ERC1: variants seen among roughly 807,000 people sequenced by gnomAD.
ERC1 encodes RAB6 interacting protein 2.
ERC1 carries 56 observed loss-of-function variants against 132.0 expected under a neutral mutation model. The ratio of observed to expected loss-of-function variants is 0.42; its 90% CI spans 0.34 to 0.53. The LOEUF is 0.53. ERC1 is among the 20% of genes least tolerant of loss of function. The pLI is 0.03. For synonymous variants in ERC1, 478 were observed against 476.1 expected (o/e 1.00, Z -0.05); for missense variants, 1,202 against 1,349.9 (o/e 0.89, Z 1.72).
intron 8 of ERC1, among the ~76,000 whole-genome samples, chr12:1,176,582 C>CT (rs1320879941): frequency 2.6e-4 from 39 of 148,766 alleles, no homozygotes; most frequent in East Asian, 2.0e-4. Flanking sequence ...TTTTTCTTTT[C>CT]TTTTTTTTTC....
rs377484025 is a variant in ERC1, at chr12:1,393,856, C to T, written c.2926-14293C>T. Among the ~76,000 whole-genome samples the T allele has an allele frequency of 1.1e-3, 157 of 148,108 alleles. 1 individual carries two copies. The highest frequency in any genetic ancestry group is 1.5e-3 in the Non-Finnish European group (100 of 66,982). On this transcript the variant is annotated intron_variant, in intron 16 of 18. Coordinates refer to ENST00000360905, the MANE Select transcript of ERC1 (RefSeq NM_178040.4). The stretch of plus-strand genomic sequence containing the variant: ...CGGTGAAACCCCGTCTCTACTAAAA[C>T]GACAAAAAAATTAGCCAAGTGTGGT...
At chr12:1,048,960 C>G (rs908083243) in intron 2 of ERC1, among the ~76,000 whole-genome samples, 1 of 152,206 alleles carries the variant, frequency 6.6e-6, no homozygotes, top group Non-Finnish European at 1.5e-5. Context: ...TGCTTCGGAT[C>G]TCCCCTTGAG....
chr12:1,248,871 G>A (rs1266795007), intron 13 of ERC1, among the ~76,000 whole-genome samples: 5 of 151,960 alleles, frequency 3.3e-5, no homozygotes, highest in East Asian at 1.9e-4. Flanking sequence ...TGAGGAGAGA[G>A]GTTTTTATTT....
intron 18 of ERC1, among the ~76,000 whole-genome samples, chr12:1,463,208 G>A (rs1489190877): frequency 6.6e-6 from 1 of 152,124 alleles, no homozygotes; most frequent in East Asian, 1.9e-4. Context: ...GTGGATTAGG[G>A]GGTGTTAATG....
At chr12:1,350,616 T>C (rs1262612748) in intron 15 of ERC1, among the ~76,000 whole-genome samples, 1 of 152,220 alleles carries the variant, frequency 6.6e-6, no homozygotes, top group African/African-American at 2.4e-5. Context: ...GGAGCTCATG[T>C]CGTGTACAAG....
At chr12:1,431,102 G>A (rs1012169346) in intron 17 of ERC1, among the ~76,000 whole-genome samples, 1 of 152,168 alleles carries the variant, frequency 6.6e-6, no homozygotes, top group Non-Finnish European at 1.5e-5. Flanking sequence ...AATAAAGCCT[G>A]AAAGTTCTAT....
chr12:1,417,206 T>C (rs1374611689), intron 17 of ERC1, among the ~76,000 whole-genome samples: 1 of 152,212 alleles, frequency 6.6e-6, no homozygotes, highest in Admixed American at 6.5e-5. Flanking sequence ...TTTCTGCTTT[T>C]CACTGTTTTC....
intron 7 of ERC1, among the ~76,000 whole-genome samples, chr12:1,121,382 TTTGA>T (rs1287613362): frequency 6.6e-6 from 1 of 152,068 alleles, no homozygotes; most frequent in Non-Finnish European, 1.5e-5. Context: ...ATGACTCTTG[TTTGA>T]TTGGTAGGTT....
rs530085623 is a variant in ERC1, at chr12:1,141,542, C to T, written c.1570-78C>T. On this transcript the variant is annotated intron_variant, in intron 7 of 18. Transcript: ENST00000360905. ...TAACAAAACTCAACCTCTTTATAAC[C>T]TTTATAACATATCTATTTGAAAGGA... The T allele has an allele frequency of 7.9e-5, 98 of 1,236,362 alleles. No individual in the cohort carries two copies. The South Asian group carries it at 1.5e-3, about 19-fold the overall frequency. 76.6% of individuals were successfully genotyped at this position (1,236,362 alleles called of 1,614,324 possible).
intron 18 of ERC1, among the ~76,000 whole-genome samples, chr12:1,461,994 T>C (rs1204943060): frequency 6.6e-6 from 1 of 152,084 alleles, no homozygotes; most frequent in East Asian, 1.9e-4. Flanking sequence ...TAAAAGTCAG[T>C]AACAAAAGAT....
At chr12:1,345,385 G>A (rs529791805) in intron 15 of ERC1, among the ~76,000 whole-genome samples, 86 of 152,040 alleles carry the variant, frequency 5.7e-4, no homozygotes, top group African/African-American at 2.0e-3. Flanking sequence ...GGATTTCACC[G>A]TGTTAGCCAG....
chr12:1,466,976 AAG>A (rs1331430803), intron 18 of ERC1, among the ~76,000 whole-genome samples: 12 of 152,254 alleles, frequency 7.9e-5, no homozygotes, highest in Non-Finnish European at 1.8e-4. Flanking sequence ...GAACGAGTGA[AAG>A]AGAGTCTTTA....
At chr12:1,441,335 A>G (rs762683187) in intron 17 of ERC1, among the ~76,000 whole-genome samples, 1 of 152,236 alleles carries the variant, frequency 6.6e-6, no homozygotes, top group Non-Finnish European at 1.5e-5. Context: ...TGCTGGGATT[A>G]CAGGCATGAG....
At chr12:1,342,810 A>G (rs1447214267) in intron 15 of ERC1, among the ~76,000 whole-genome samples, 4 of 152,240 alleles carry the variant, frequency 2.6e-5, no homozygotes, top group Non-Finnish European at 5.9e-5. Context: ...GGAAAAGGCT[A>G]GAAGGGCTTT....
intron 3 of ERC1, among the ~76,000 whole-genome samples, chr12:1,096,430 G>T (rs866962323): frequency 6.6e-6 from 1 of 152,156 alleles, no homozygotes. Context: ...AATAAATGAA[G>T]ATTGTTTACA....
intron 8 of ERC1, among the ~76,000 whole-genome samples, chr12:1,150,720 A>G (rs991353237): frequency 6.6e-6 from 1 of 152,250 alleles, no homozygotes; most frequent in Admixed American, 6.5e-5. Context: ...TGAACAAAAC[A>G]GTAGACAAAT....
intron 2 of ERC1, 121 bp downstream of exon 2, chr12:1,028,693 A>G (rs964865732): frequency 1.2e-6 from 1 of 862,376 alleles, no homozygotes; most frequent in Admixed American, 2.9e-5. Flanking sequence ...TTTCCTATTG[A>G]TTTTACTGTT....
intron 7 of ERC1, among the ~76,000 whole-genome samples, chr12:1,119,995 A>T (rs1191721080): frequency 5.4e-5 from 8 of 148,380 alleles, no homozygotes; most frequent in South Asian, 2.1e-4. Context: ...TTAATTTATT[A>T]TTTTTTTTTT....
intron 13 of ERC1, among the ~76,000 whole-genome samples, chr12:1,243,355 G>T (rs1019377707): frequency 6.6e-6 from 1 of 150,494 alleles, no homozygotes. Context: ...ATCCCCAGAA[G>T]ATACTGAGGT....
Sources: gnomAD v4.1 joint callset for allele counts (sites outside exome capture counted in the v4.1 genomes callset) on GRCh38, gnomAD v4.1.1 for gene constraint, MANE v1.5 for transcripts, NCBI Gene and HGNC (gene_info 2026-07-23, HGNC 2026-07-21) for gene names.